TCERG1L: variants seen among roughly 807,000 people sequenced by gnomAD.
TCERG1L encodes transcription elongation regulator 1-like protein.
A neutral mutation model predicts 56.3 loss-of-function variants in TCERG1L; 37 were observed. The ratio of observed to expected loss-of-function variants is 0.66; its 90% CI spans 0.51 to 0.87. The LOEUF (loss-of-function observed/expected upper bound fraction) is 0.87. Ranked by LOEUF, TCERG1L falls within the 40% of genes least tolerant of loss-of-function variation. The probability of loss-of-function intolerance (pLI) is 0.00; values close to 1 mark genes in which losing one functional copy is unlikely to be tolerated. For missense variants in TCERG1L, 799 were observed against 774.2 expected, an observed-to-expected ratio of 1.03 and a Z score of -0.38; for synonymous variants, 324 against 326.3, an observed-to-expected ratio of 0.99 and a Z score of 0.08.
intron 6 of TCERG1L, chr10:131,156,066 C>G (rs1007410535): frequency 1.3e-5 from 2 of 152,188 alleles, no homozygotes; most frequent in Non-Finnish European, 2.9e-5. Context: ...AGTGCAACTG[C>G]AAGTCAGAGG....
Position 131,113,440 on chromosome 10 carries a change from T to A in TCERG1L, c.1395+3359A>T, listed in dbSNP as rs1339170059. 2.1e-5 allele frequency among the ~76,000 whole-genome samples: 3 copies of A among 142,002 alleles called. 1 individual carries two copies. Among genetic ancestry groups the A allele is most frequent in the African/African-American group, 7.4e-5 (3 of 40,312 alleles). 93.2% of individuals were successfully genotyped at this position (142,002 alleles called of 152,430 possible). A position where few individuals can be genotyped will look rare whatever the true frequency, so the allele number is the denominator to read the frequency against. On this transcript the variant is annotated intron_variant, in intron 9 of 11. Coordinates refer to ENST00000368642, the MANE Select transcript of TCERG1L (RefSeq NM_174937.4). ...GAGGGGAGGGAAGGGCACCAGATGT[T>A]ACTCATCCGGGGAGACGGACAGGGC...
At chr10:131,264,782 C>T (rs1024184064) in intron 3 of TCERG1L, among the ~76,000 whole-genome samples, 16 of 152,230 alleles carry the variant, frequency 1.1e-4, no homozygotes, top group Non-Finnish European at 1.8e-4. Context: ...AAGCCACCTC[C>T]ACGCTCTGAC....
In TCERG1L at chr10:131,097,386, C is replaced by T. The variant is rs530819999; in HGVS notation, c.1604+920G>A. ...TCTTTGAGACGGAGACTCACTCTGTCGCCCAGGTTGGAGTGCAGTGGTGCA... is the reference window on the plus strand; with the variant it reads ...TCTTTGAGACGGAGACTCACTCTGTTGCCCAGGTTGGAGTGCAGTGGTGCA... On this transcript the variant is annotated intron_variant, in intron 11 of 11. Transcript: ENST00000368642. 3.3e-5 allele frequency among the ~76,000 whole-genome samples: 5 copies of T among 152,242 alleles called. No homozygotes were observed. The South Asian group carries it at 8.3e-4, about 25-fold the overall frequency.
At chr10:131,292,391 T>C (rs1027267820) in intron 3 of TCERG1L, among the ~76,000 whole-genome samples, 2 of 152,236 alleles carry the variant, frequency 1.3e-5, no homozygotes, top group African/African-American at 4.8e-5. Context: ...GTTGATGAAA[T>C]GTATATTCTA....
At chr10:131,109,361 C>T (rs969663352) in intron 9 of TCERG1L, among the ~76,000 whole-genome samples, 3 of 152,186 alleles carry the variant, frequency 2.0e-5, no homozygotes, top group South Asian at 4.1e-4. Flanking sequence ...CGTCTCAGCA[C>T]GCCTGTTGTC....
intron 4 of TCERG1L, among the ~76,000 whole-genome samples, chr10:131,248,953 G>A (rs894949760): frequency 6.6e-6 from 1 of 152,198 alleles, no homozygotes; most frequent in Admixed American, 6.5e-5. Context: ...CCCTCGGCAG[G>A]ACCAGCCGCC....
intron 4 of TCERG1L, among the ~76,000 whole-genome samples, chr10:131,182,551 T>C (rs1845191789): frequency 6.6e-6 from 1 of 152,260 alleles, no homozygotes; most frequent in Non-Finnish European, 1.5e-5. Flanking sequence ...AGTGAACTCA[T>C]GCTTCTCGGA....
At chr10:131,302,338 GTT>G (rs201264732) in intron 3 of TCERG1L, among the ~76,000 whole-genome samples, 2 of 128,474 alleles carry the variant, frequency 1.6e-5, no homozygotes, top group African/African-American at 5.7e-5. Context: ...TTGTTTTTTT[GTT>G]TTTTTTTTTT....
chr10:131,186,935 T>C (rs1342114367), intron 4 of TCERG1L, among the ~76,000 whole-genome samples: 1 of 152,246 alleles, frequency 6.6e-6, no homozygotes, highest in African/African-American at 2.4e-5. Flanking sequence ...GAAAGAGCTT[T>C]GAAAAGTCAG....
intron 9 of TCERG1L, among the ~76,000 whole-genome samples, chr10:131,109,495 G>T (rs988961555): frequency 4.6e-5 from 7 of 151,874 alleles, no homozygotes; most frequent in Non-Finnish European, 8.8e-5. Flanking sequence ...TGTGTCTGTG[G>T]CTGTGTCTGT....
chr10:131,129,097 A>G (rs1437991362), intron 8 of TCERG1L, among the ~76,000 whole-genome samples: 1 of 152,248 alleles, frequency 6.6e-6, no homozygotes, highest in Non-Finnish European at 1.5e-5. Context: ...GAAAATAAAA[A>G]TGAAGCGTGA....
Position 131,146,540 on chromosome 10 carries a change from G to A in TCERG1L, c.1155C>T (p.Asp385=). ...DRGDLNRIIE[D]PPHKRKLEAP... is the part of the protein sequence containing the mutation. ...CCTCCAGCTTGCGTTTGTGGGGCGG[G>A]TCCTCAATGATCCTGTTGAGGTCTC... Residue 385 remains aspartate (D), a synonymous_variant, in exon 7 of 12, where the codon GAC becomes GAT. Coordinates refer to ENST00000368642, the MANE Select transcript of TCERG1L (RefSeq NM_174937.4). 1.9e-6 allele frequency: 3 copies of A among 1,612,898 alleles called. No individual in the cohort carries two copies. Among genetic ancestry groups the A allele is most frequent in the Middle Eastern group, 1.6e-4 (1 of 6,062 alleles).
chr10:131,097,050 A>C (rs2133377565), intron 11 of TCERG1L, among the ~76,000 whole-genome samples: 1 of 152,038 alleles, frequency 6.6e-6, no homozygotes, highest in South Asian at 2.1e-4. Context: ...AAATACAAAA[A>C]TTAGCTGTGC....
chr10:131,249,695 T>C (rs933675215), intron 4 of TCERG1L, among the ~76,000 whole-genome samples: 1 of 152,212 alleles, frequency 6.6e-6, no homozygotes, highest in African/African-American at 2.4e-5. Flanking sequence ...TGGAATCACA[T>C]ATCCACTCTC....
At chr10:131,239,366 T>C (rs1049998178) in intron 4 of TCERG1L, among the ~76,000 whole-genome samples, 2 of 152,360 alleles carry the variant, frequency 1.3e-5, no homozygotes, top group South Asian at 2.1e-4. Context: ...AGAATGAGAA[T>C]GAAAAGTCAG....
intron 4 of TCERG1L, among the ~76,000 whole-genome samples, chr10:131,172,075 C>G (rs1004771444): frequency 6.6e-6 from 1 of 152,198 alleles, no homozygotes; most frequent in Non-Finnish European, 1.5e-5. Context: ...TTTCCTCATC[C>G]ATAAAAGAAA....
chr10:131,093,587 C>T (rs1206054677), intron 11 of TCERG1L, among the ~76,000 whole-genome samples: 1 of 152,216 alleles, frequency 6.6e-6, no homozygotes, highest in African/African-American at 2.4e-5. Context: ...CCAGCCTCCT[C>T]AGCCGTCTCA....
At chr10:131,213,775 C>A (rs1362083000) in intron 4 of TCERG1L, among the ~76,000 whole-genome samples, 2 of 152,232 alleles carry the variant, frequency 1.3e-5, no homozygotes, top group Non-Finnish European at 2.9e-5. Flanking sequence ...CACACACAGG[C>A]AAGAATCCCC....
rs138212764 is a variant in TCERG1L, at chr10:131,293,446, A to G, written c.670+14765T>C. The stretch of plus-strand genomic sequence containing the variant: ...AAAGTCAGCATGACCATAAGCCCCA[A>G]ATAACATCTCCTACCAGAAACATTC... On this transcript the variant is annotated intron_variant, in intron 3 of 11. Transcript: ENST00000368642. Among the ~76,000 whole-genome samples the G allele has an allele frequency of 4.6e-3, 701 of 152,226 alleles. 4 individuals carry two copies. The highest frequency in any genetic ancestry group is 0.016 in the African/African-American group (669 of 41,524).
Sources: allele counts gnomAD v4.1 joint callset (sites outside exome capture counted in the v4.1 genomes callset), GRCh38; gene constraint gnomAD v4.1.1; transcripts MANE v1.5; gene names NCBI Gene and HGNC (gene_info 2026-07-23, HGNC 2026-07-21).